RNASEH1: variants seen among roughly 807,000 people sequenced by gnomAD.
RNASEH1 encodes the protein ribonuclease H type II.
A neutral mutation model predicts 34.6 loss-of-function variants in RNASEH1; 27 were observed. That is an observed-to-expected ratio of 0.78 (90% CI 0.58 to 1.08). RNASEH1 has a LOEUF of 1.08. Among genes scored for constraint, RNASEH1 ranks in the 50% least tolerant of loss-of-function variants. The pLI is 0.00. For missense variants in RNASEH1, 349 were observed against 373.6 expected (o/e 0.93, Z 0.54); for synonymous variants, 162 against 138.4 (o/e 1.17, Z -1.20).
chr2:3,556,831 A>C lies in RNASEH1; in HGVS notation c.202T>G (p.Trp68Gly). Reference sequence around the variant, plus strand: ...CTTGCAGATTTCCTGACAAAGGCCCAGGCCTCATCCTCTGTGGCAAACTTC... The same window carrying C: ...CTTGCAGATTTCCTGACAAAGGCCCCGGCCTCATCCTCTGTGGCAAACTTC... ...FKKFATEDEA[W>G]AFVRKSASPE... Residue 68 changes from tryptophan to glycine, a missense_variant, in exon 2 of 8, where the codon TGG (tryptophan) becomes GGG (glycine). By Grantham distance (184) the Trp-to-Gly change is radical. Transcript: ENST00000315212. The C allele has an allele frequency of 6.2e-7, 1 of 1,614,022 alleles. No individual in the cohort carries two copies. Among genetic ancestry groups the C allele is most frequent in the Non-Finnish European group, 8.5e-7 (1 of 1,179,842 alleles).
intron 1 of RNASEH1, chr2:3,557,541 G>C: frequency 4.3e-6 from 1 of 232,940 alleles, no homozygotes; most frequent in Non-Finnish European, 8.7e-6. Flanking sequence ...ACGAACTTTG[G>C]TATCTTGTAG....
At chr2:3,540,822 G>A (rs1668252998), downstream of RNASEH1, among the ~76,000 whole-genome samples, 1 of 151,758 alleles carries the variant, frequency 6.6e-6, no homozygotes, top group South Asian at 2.1e-4. Context: ...ATTCTCAGAA[G>A]ACAGAGGCAG....
At chr2:3,537,750 C>A (rs1357880488), downstream of RNASEH1, among the ~76,000 whole-genome samples, 1 of 151,956 alleles carries the variant, frequency 6.6e-6, no homozygotes, top group Non-Finnish European at 1.5e-5. Flanking sequence ...GAAAGAAAAT[C>A]TTTTTGGCTG....
intron 2 of RNASEH1, among the ~76,000 whole-genome samples, chr2:3,556,390 C>T (rs117599576): frequency 0.056 from 8,377 of 150,724 alleles, 298 homozygotes; most frequent in South Asian, 0.15. Context: ...ACTGTAGCCT[C>T]CACTTCTCGG....
chr2:3,550,894 C>T (rs1659810817), intron 3 of RNASEH1, among the ~76,000 whole-genome samples: 1 of 152,224 alleles, frequency 6.6e-6, no homozygotes, highest in Admixed American at 6.5e-5. Context: ...GTCTCCTGAC[C>T]AGTGCTGGTC....
chr2:3,557,928 C>G, intron 1 of RNASEH1: 1 of 1,531,636 alleles, frequency 6.5e-7, no homozygotes. Context: ...TCAAACAAGT[C>G]TTCGGTGCGT....
At chr2:3,539,199 A>AGAC (rs1249723664), downstream of RNASEH1, among the ~76,000 whole-genome samples, 1 of 152,164 alleles carries the variant, frequency 6.6e-6, no homozygotes, top group Non-Finnish European at 1.5e-5. Context: ...GTTAAATCCT[A>AGAC]GGTTAAAGAC....
At chr2:3,536,244 A>G in the RNASEH1 span, among the ~76,000 whole-genome samples, 2 of 152,212 alleles carry the variant, frequency 1.3e-5, no homozygotes, top group Non-Finnish European at 2.9e-5. Flanking sequence ...TTATCTGGTG[A>G]GTCACATGTC....
chr2:3,535,273 T>A, the RNASEH1 span, among the ~76,000 whole-genome samples: 1 of 150,752 alleles, frequency 6.6e-6, no homozygotes, highest in Non-Finnish European at 1.5e-5. Context: ...AAAAAAAAAA[T>A]TAAAAAGCCA....
chr2:3,537,905 T>C (rs1203746305), downstream of RNASEH1, among the ~76,000 whole-genome samples: 2 of 151,226 alleles, frequency 1.3e-5, no homozygotes, highest in African/African-American at 4.9e-5. Flanking sequence ...GGCATGGTGG[T>C]GCATGCCTGT....
At chr2:3,538,018 C>A (rs930622516), downstream of RNASEH1, among the ~76,000 whole-genome samples, 1 of 131,580 alleles carries the variant, frequency 7.6e-6, no homozygotes, top group African/African-American at 3.3e-5. Flanking sequence ...GCCTGGCCAA[C>A]AAGAGCGAAA....
intron 7 of RNASEH1, among the ~76,000 whole-genome samples, chr2:3,547,198 G>A (rs926357954): frequency 6.6e-6 from 1 of 152,114 alleles, no homozygotes; most frequent in Admixed American, 6.5e-5. Context: ...GTTTTTCTGA[G>A]ACAGGGTCTC....
At chr2:3,541,189 T>A (rs1668279051), downstream of RNASEH1, among the ~76,000 whole-genome samples, 1 of 151,664 alleles carries the variant, frequency 6.6e-6, no homozygotes, top group Admixed American at 6.6e-5. Context: ...ATTAGCCGGG[T>A]GTAGTGGCGG....
rs756111652 is a variant in RNASEH1 at position 3,558,309 on chromosome 2, G to A, written c.-49C>T. The A allele has an allele frequency of 3.2e-5, 48 of 1,480,532 alleles. No homozygotes were observed. Among genetic ancestry groups the A allele is most frequent in the Non-Finnish European group, 4.2e-5 (47 of 1,119,122 alleles). The allele number at this position is 1,480,532 out of a possible 1,614,324, so 91.7% of individuals were successfully genotyped here. A position where few individuals can be genotyped will look rare whatever the true frequency, so the allele number is the denominator to read the frequency against. ...CATTTCGACTCCCGGCCCAGCGTGG[G>A]CGCGAGCCGCCGGCGCTCAACACCG... On this transcript the variant is annotated 5_prime_UTR_variant, in exon 1 of 8. Transcript: ENST00000315212.
intron 2 of RNASEH1, among the ~76,000 whole-genome samples, chr2:3,554,523 A>T (rs1253769841): frequency 1.3e-5 from 2 of 152,248 alleles, no homozygotes; most frequent in Non-Finnish European, 2.9e-5. Flanking sequence ...AAAACAAAAA[A>T]CTGTAAAAGG....
Position 3,543,214 on chromosome 2 carries a change from G to A in RNASEH1, c.*2571C>T, listed in dbSNP as rs558388815. 1.3e-5 allele frequency among the ~76,000 whole-genome samples: 2 copies of A among 152,316 alleles called. No individual in the cohort carries two copies. The highest frequency in any genetic ancestry group is 6.5e-5 in the Admixed American group (1 of 15,306). On this transcript the variant is annotated 3_prime_UTR_variant, in exon 8 of 8. Coordinates refer to ENST00000315212, the MANE Select transcript of RNASEH1 (RefSeq NM_002936.6). ...CTGCAGTCAGTCTGGCCATGTACAT[G>A]TGTCTTTCCCTTCCTGTGGCTATAA...
At chr2:3,557,931 C>T in intron 1 of RNASEH1, 1 of 1,530,712 alleles carries the variant, frequency 6.5e-7, no homozygotes, top group South Asian at 1.2e-5. Context: ...AACAAGTCTT[C>T]GGTGCGTTCC....
In RNASEH1 at chr2:3,543,562, T is replaced by C. The variant is rs1270904468; in HGVS notation, c.*2223A>G. On this transcript the variant is annotated 3_prime_UTR_variant, in exon 8 of 8. Coordinates refer to ENST00000315212, the MANE Select transcript of RNASEH1 (RefSeq NM_002936.6). ...ACCGAATAAGCTAGTCTGAGCTAAA[T>C]AAAGATAAAAATCACAACGGATTGA... Among the ~76,000 whole-genome samples the C allele has an allele frequency of 6.6e-6, 1 of 151,394 alleles. No individual in the cohort carries two copies. Among genetic ancestry groups the C allele is most frequent in the Admixed American group, 6.6e-5 (1 of 15,212 alleles).
chr2:3,548,180 C>T, intron 6 of RNASEH1, 125 bp from the exon 7 acceptor site: 1 of 1,137,164 alleles, frequency 8.8e-7, no homozygotes. Flanking sequence ...TCTTCACTTC[C>T]TTAGCTGGCC....
Sources: gnomAD v4.1 joint callset for allele counts (sites outside exome capture counted in the v4.1 genomes callset) on GRCh38, gnomAD v4.1.1 for gene constraint, MANE v1.5 for transcripts, NCBI Gene and HGNC (gene_info 2026-07-23, HGNC 2026-07-21) for gene names.